ACTA2: variants seen among roughly 807,000 people sequenced by gnomAD.
ACTA2 encodes actin alpha 2, smooth muscle, also known as actin, aortic smooth muscle.
ACTA2 carries 12 observed loss-of-function variants against 39.5 expected under a neutral mutation model. The ratio of observed to expected loss-of-function variants is 0.30; its 90% CI spans 0.19 to 0.49. The LOEUF (loss-of-function observed/expected upper bound fraction) is 0.49, where lower values mean the gene tolerates loss of function less well. Among genes scored for constraint, ACTA2 ranks in the 20% least tolerant of loss-of-function variants. The probability of loss-of-function intolerance (pLI) is 0.99; values close to 1 mark genes in which losing one functional copy is unlikely to be tolerated. For synonymous variants in ACTA2, 158 were observed against 180.6 expected (o/e 0.88, Z 1.00); for missense variants, 236 against 498.8 (o/e 0.47, Z 5.02).
intron 1 of ACTA2, among the ~76,000 whole-genome samples, chr10:88,975,711 C>T (rs975448914): frequency 2.0e-5 from 3 of 152,026 alleles, no homozygotes; most frequent in African/African-American, 7.3e-5. Flanking sequence ...ACATATTGGC[C>T]TCTTAATAAA....
At chr10:88,981,328 T>A (rs1319120430) in intron 1 of ACTA2, among the ~76,000 whole-genome samples, 3 of 152,182 alleles carry the variant, frequency 2.0e-5, no homozygotes, top group Non-Finnish European at 4.4e-5. Context: ...CCTGTGCAGT[T>A]AAACCCTTGA....
chr10:88,970,894 T>TAC (rs759955299), intron 1 of ACTA2, among the ~76,000 whole-genome samples: 11 of 123,464 alleles, frequency 8.9e-5, no homozygotes, highest in African/African-American at 2.7e-4. Flanking sequence ...TGTGTGTGTG[T>TAC]GTGTATATAT....
At chr10:88,944,443 A>G (rs539934164) in intron 3 of ACTA2, among the ~76,000 whole-genome samples, 11 of 152,194 alleles carry the variant, frequency 7.2e-5, no homozygotes, top group Non-Finnish European at 1.2e-4. Flanking sequence ...TCATGGGAAA[A>G]TGATTTAATT....
At chr10:88,975,222 T>C (rs1846534735) in intron 1 of ACTA2, 1 of 151,572 alleles carries the variant, frequency 6.6e-6, no homozygotes, top group African/African-American at 2.4e-5. Context: ...AATCTTTGAA[T>C]GCTTGGCTAT....
chr10:88,945,483 T>G (rs1341829327), intron 3 of ACTA2, among the ~76,000 whole-genome samples: 2 of 152,248 alleles, frequency 1.3e-5, no homozygotes, highest in Admixed American at 1.3e-4. Context: ...TATATCTTGC[T>G]GCATTTAAAA....
At chr10:88,950,617 T>A (rs1846032020) in intron 1 of ACTA2, among the ~76,000 whole-genome samples, 1 of 152,218 alleles carries the variant, frequency 6.6e-6, no homozygotes, top group African/African-American at 2.4e-5. Flanking sequence ...AAGTGACTTG[T>A]CCAAGAGCCT....
chr10:88,938,719 T>C (rs1845792604), intron 7 of ACTA2, among the ~76,000 whole-genome samples: 1 of 149,652 alleles, frequency 6.7e-6, no homozygotes, highest in African/African-American at 2.5e-5. Flanking sequence ...ATTTTTCCAA[T>C]CTTGCTAACA....
chr10:88,962,957 AT>A (rs1846257696), intron 1 of ACTA2, among the ~76,000 whole-genome samples: 5 of 27,938 alleles, frequency 1.8e-4, no homozygotes, highest in African/African-American at 3.6e-4. Flanking sequence ...ATATATATAT[AT>A]ATATATATAT....
At chr10:88,937,943 T>C (rs1382453658) in intron 8 of ACTA2, 118 bp downstream of exon 8, 2 of 1,164,502 alleles carry the variant, frequency 1.7e-6, no homozygotes, top group Non-Finnish European at 2.5e-6. Context: ...GTCCATTACC[T>C]ACCCCTAAAA....
chr10:88,986,818 A>G (rs1224151956), intron 1 of ACTA2, among the ~76,000 whole-genome samples: 1 of 152,216 alleles, frequency 6.6e-6, no homozygotes. Context: ...AAGCCATTTA[A>G]CTTACTTTTT....
chr10:88,939,769 C>T, intron 6 of ACTA2, 71 bp from the exon 7 acceptor site: 3 of 1,487,768 alleles, frequency 2.0e-6, no homozygotes, highest in Non-Finnish European at 2.8e-6. Context: ...ACCTGCCCTA[C>T]TGCAGTCTCT....
At chr10:88,947,914 T>C (rs114534413) in intron 2 of ACTA2, among the ~76,000 whole-genome samples, 191 of 152,336 alleles carry the variant, frequency 1.3e-3, no homozygotes, top group African/African-American at 4.2e-3. Flanking sequence ...TGATTTCTAA[T>C]GGATAAGTTC....
chr10:88,958,375 A>G (rs1281456902), intron 1 of ACTA2, among the ~76,000 whole-genome samples: 1 of 152,224 alleles, frequency 6.6e-6, no homozygotes, highest in East Asian at 1.9e-4. Flanking sequence ...CTCTACATAC[A>G]TAAACTCATT....
At chr10:88,965,778 G>A (rs774305220) in intron 1 of ACTA2, among the ~76,000 whole-genome samples, 4 of 152,258 alleles carry the variant, frequency 2.6e-5, no homozygotes, top group Non-Finnish European at 5.9e-5. Flanking sequence ...CAGACTCCAT[G>A]GAAGAGTGTC....
At chr10:88,980,347 A>T (rs955680236) in intron 1 of ACTA2, among the ~76,000 whole-genome samples, 2 of 152,242 alleles carry the variant, frequency 1.3e-5, no homozygotes, top group Admixed American at 6.5e-5. Flanking sequence ...AGGAGAGCAC[A>T]TTAGCAAGCA....
At chr10:88,989,259 T>C (rs368508957) in intron 1 of ACTA2, among the ~76,000 whole-genome samples, 9 of 152,144 alleles carry the variant, frequency 5.9e-5, no homozygotes, top group Admixed American at 1.3e-4. Context: ...TCCTTTCCCC[T>C]TTTTTTCTCT....
intron 1 of ACTA2, among the ~76,000 whole-genome samples, chr10:88,971,960 G>A (rs560558818): frequency 1.3e-5 from 2 of 151,290 alleles, no homozygotes; most frequent in Non-Finnish European, 2.9e-5. Context: ...CCAGGCTGGA[G>A]TGCAGAGGCG....
intron 3 of ACTA2, among the ~76,000 whole-genome samples, chr10:88,946,534 G>A (rs969811973): frequency 6.6e-6 from 1 of 151,752 alleles, no homozygotes; most frequent in African/African-American, 2.4e-5. Context: ...CTGGGACTGA[G>A]GTGTGTGCCA....
chr10:88,970,363 T>C lies in ACTA2; in HGVS notation c.-24+20576A>G, dbSNP rs77093896. The stretch of plus-strand genomic sequence containing the variant: ...TCTGTCCTCTTCGCTGAGTTCCTTT[T>C]GAATGCAGCAAATTGCTGTGCCCTT... On this transcript the variant is annotated intron_variant, in intron 1 of 4. Transcript: ENST00000415557. Among the ~76,000 whole-genome samples, 1,248 of 152,284 alleles carry C rather than the reference T, an allele frequency of 8.2e-3. 38 individuals are homozygous for C. In the East Asian group the frequency reaches 0.13, roughly 15 times the overall value.
Sources: gnomAD v4.1 joint callset for allele counts (sites outside exome capture counted in the v4.1 genomes callset) on GRCh38, gnomAD v4.1.1 for gene constraint, MANE v1.5 for transcripts, NCBI Gene and HGNC (gene_info 2026-07-23, HGNC 2026-07-21) for gene names.